RPLP0: variants seen among roughly 807,000 people sequenced by gnomAD.
RPLP0 encodes large ribosomal subunit protein uL10.
For synonymous variants in RPLP0, 137 were observed against 153.4 expected (o/e 0.89, Z 0.79); for missense variants, 276 against 402.9 (o/e 0.69, Z 2.70).
In RPLP0 at chr12:120,198,716, A is replaced by G; in HGVS notation, c.489T>C (p.Thr163=). The change falls in exon 6 of 8, where the codon ACT becomes ACC. Residue 163 remains threonine (T), a synonymous_variant. Coordinates refer to ENST00000392514, the MANE Select transcript of RPLP0 (RefSeq NM_001002.4). The surrounding 1 kb of genome is among the most constrained non-coding windows in gnomAD (Gnocchi z 4.1). ...EILSDVQLIK[T]GDKVGASEAT... is the part of the protein sequence containing the mutation. ...CTTCGCTGGCTCCCACTTTGTCTCC[A>G]GTCTTGATCAGCTGCACATCACTCT... The G allele has an allele frequency of 6.2e-7, 1 of 1,614,052 alleles. No homozygotes were observed. Among genetic ancestry groups the G allele is most frequent in the Non-Finnish European group, 8.5e-7 (1 of 1,179,902 alleles).
intron 6 of RPLP0, 42 bp from the exon 7 acceptor site, chr12:120,197,504 G>A: frequency 6.3e-7 from 1 of 1,577,110 alleles, no homozygotes. Flanking sequence ...ATTCCCTACA[G>A]GAAAGGAAGT....
rs750002971 is a variant in RPLP0, at chr12:120,198,568, A to C, written c.637T>G (p.Ser213Ala). 2 of 1,614,106 alleles carry C rather than the reference A, an allele frequency of 1.2e-6. No homozygotes were observed. The highest frequency in any genetic ancestry group is 8.5e-7 in the Non-Finnish European group (1 of 1,180,018). Residue 213 changes from serine to alanine, a missense_variant, in exon 6 of 8, where the codon TCT becomes GCT. Physicochemically the swap from Ser to Ala is moderately conservative, Grantham distance 99. Transcript: ENST00000392514. The surrounding 1 kb of genome is among the most constrained non-coding windows in gnomAD (Gnocchi z 4.1). ...ACAGCATATACCTCCAGGAAGCGAGAATGCAGAGTTTCCTCTGTGATATCA... is the reference window on the plus strand; with the variant it reads ...ACAGCATATACCTCCAGGAAGCGAGCATGCAGAGTTTCCTCTGTGATATCA... The part of the protein sequence containing the change: ...VLDITEETLH[S>A]RFLEGVRNVA...
intron 7 of RPLP0, 151 bp downstream of exon 7, chr12:120,197,171 C>A: frequency 2.0e-6 from 2 of 1,000,476 alleles, no homozygotes; most frequent in Non-Finnish European, 1.5e-6. Context: ...AAGTGAGAAA[C>A]GCCTTCCCTG....
chr12:120,199,691 C>T (rs544514275), intron 2 of RPLP0: 3 of 567,390 alleles, frequency 5.3e-6, no homozygotes, highest in Admixed American at 3.3e-5. Flanking sequence ...TAGGTTTCTA[C>T]ATTCAATCAA....
intron 2 of RPLP0, chr12:120,200,245 A>G (rs1474593422): frequency 2.6e-6 from 1 of 382,968 alleles, no homozygotes; most frequent in Non-Finnish European, 5.2e-6. Flanking sequence ...AAGGTGGATC[A>G]TGAAGTCAAG....
rs373895955 is a variant in RPLP0, at chr12:120,198,315, C to T, written c.651+239G>A. The T allele has an allele frequency of 1.5e-5, 7 of 473,830 alleles. No homozygotes were observed. Among genetic ancestry groups the T allele is most frequent in the African/African-American group, 1.4e-4 (7 of 48,884 alleles). 29.4% of individuals were successfully genotyped at this position (473,830 alleles called of 1,614,324 possible). On this transcript the variant is annotated intron_variant, in intron 6 of 7. Transcript: ENST00000392514. The surrounding 1 kb of genome is among the most constrained non-coding windows in gnomAD (Gnocchi z 4.1). ...CAGGAGAATGGTGTGAACCCGGAGG[C>T]GGAGCTTGCAGTGAGCCGGGAGATT...
intron 6 of RPLP0, 57 bp from the exon 7 acceptor site, chr12:120,197,519 G>A (rs1321347480): frequency 3.9e-6 from 6 of 1,546,870 alleles, no homozygotes; most frequent in East Asian, 2.3e-5. Flanking sequence ...GGAAGTCCAA[G>A]TAAGGGTGAA....
chr12:120,201,033 C>G, intron 1 of RPLP0, 50 bp downstream of exon 1: 1 of 488,616 alleles, frequency 2.0e-6, no homozygotes, highest in Non-Finnish European at 3.5e-6. Flanking sequence ...AAAGACCCCT[C>G]CATGCTTCCC....
At chr12:120,199,268 C>G (rs746678418) in intron 3 of RPLP0, 42 bp downstream of exon 3, 2 of 1,613,496 alleles carry the variant, frequency 1.2e-6, no homozygotes, top group South Asian at 1.1e-5. Context: ...AAGAGGGAGA[C>G]GGGCACTGGG....
chr12:120,198,508 G>A lies in RPLP0; in HGVS notation c.651+46C>T. ...AGGGACTCAGTCTGAACCTTGTCAT[G>A]CTCTCAACCATCAGTGTAAGAGGGG... On this transcript the variant is annotated intron_variant, in intron 6 of 7. Coordinates refer to ENST00000392514, the MANE Select transcript of RPLP0 (RefSeq NM_001002.4). This position sits in a 1 kb window ranked among gnomAD's most constrained non-coding sequence, Gnocchi z 4.1. 5.0e-6 allele frequency: 8 copies of A among 1,605,468 alleles called. No homozygotes were observed. Among genetic ancestry groups the A allele is most frequent in the South Asian group, 2.2e-5 (2 of 90,762 alleles).
intron 2 of RPLP0, 151 bp downstream of exon 2, chr12:120,200,579 C>T: frequency 5.1e-6 from 4 of 779,106 alleles, no homozygotes; most frequent in Non-Finnish European, 8.1e-6. Context: ...CAGAAGGGAC[C>T]TATCTCAGGA....
At chr12:120,199,863 T>G in intron 2 of RPLP0, 3 of 366,134 alleles carry the variant, frequency 8.2e-6, no homozygotes, top group South Asian at 6.2e-5. Context: ...TAAGCAAATA[T>G]AGCAACATTA....
Position 120,198,812 on chromosome 12 carries a change from C to T in RPLP0, c.465+42G>A, listed in dbSNP as rs139992927. 20 of 1,612,570 alleles carry T rather than the reference C, an allele frequency of 1.2e-5. No homozygotes were observed. The East Asian group carries it at 4.5e-4, about 36-fold the overall frequency. Reference sequence around the variant, plus strand: ...AGATCCATGGCCACTAAAAGCAGCTCCCCATTTGCCTGGTTAGCACAGGCA... The same window carrying T: ...AGATCCATGGCCACTAAAAGCAGCTTCCCATTTGCCTGGTTAGCACAGGCA... On this transcript the variant is annotated intron_variant, in intron 5 of 7. Coordinates refer to ENST00000392514, the MANE Select transcript of RPLP0 (RefSeq NM_001002.4). This position sits in a 1 kb window ranked among gnomAD's most constrained non-coding sequence, Gnocchi z 4.1.
At position 120,198,597 on chromosome 12, in the gene RPLP0, A is replaced by C; in HGVS notation, c.608T>G (p.Val203Gly). Residue 203 changes from valine (V) to glycine (G), a missense_variant, in exon 6 of 8, where the codon GTG (valine) becomes GGG (glycine). Transcript: ENST00000392514. The surrounding 1 kb of genome is among the most constrained non-coding windows in gnomAD (Gnocchi z 4.1). Reference protein sequence around the residue: ...FDNGSIYNPEVLDITEETLHS... With the variant: ...FDNGSIYNPEGLDITEETLHS... ...CAGAGTTTCCTCTGTGATATCAAGC[A>C]CTTCAGGGTTGTAGATGCTGCCATT... The C allele has an allele frequency of 2.5e-6, 4 of 1,614,088 alleles. No individual in the cohort carries two copies. The highest frequency in any genetic ancestry group is 3.4e-6 in the Non-Finnish European group (4 of 1,180,032).
At position 120,199,409 on chromosome 12, in the gene RPLP0, C is replaced by T. The variant is rs1879313080; in HGVS notation, c.131G>A (p.Arg44His). 1.2e-6 allele frequency: 2 copies of T among 1,614,140 alleles called. No individual in the cohort carries two copies. The highest frequency in any genetic ancestry group is 1.7e-6 in the Non-Finnish European group (2 of 1,180,036). The change falls in exon 3 of 8, where the codon CGC becomes CAC. Residue 44 changes from arginine to histidine, a missense_variant. Transcript: ENST00000392514. ...NVGSKQMQQI[R>H]MSLRGKAVVL... ...CACAGCCTTCCCGCGAAGGGACATG[C>T]GGATCTGCTGCATCTGCTTGGAGCC...
intron 4 of RPLP0, 49 bp from the exon 5 acceptor site, chr12:120,199,049 T>C: frequency 6.2e-7 from 1 of 1,613,150 alleles, no homozygotes. Context: ...TCACACAACC[T>C]GAGAATGGTC....
In RPLP0 at chr12:120,196,847, C is replaced by G; in HGVS notation, c.880G>C (p.Ala294Pro). 1 of 1,610,804 alleles carries G rather than the reference C, an allele frequency of 6.2e-7. No individual in the cohort carries two copies. Among genetic ancestry groups the G allele is most frequent in the Non-Finnish European group, 8.5e-7 (1 of 1,178,568 alleles). The change falls in exon 8 of 8, where the codon GCC becomes CCC. Residue 294 changes from alanine to proline, a missense_variant. Physicochemically the swap from Ala to Pro is conservative, Grantham distance 27. Coordinates refer to ENST00000392514, the MANE Select transcript of RPLP0 (RefSeq NM_001002.4). ...TCCTTGGCTTCAACCTTAGCTGGGGCTGCAGCAGCAGCAGGAGCAGCTGTG... is the reference window on the plus strand; with the variant it reads ...TCCTTGGCTTCAACCTTAGCTGGGGGTGCAGCAGCAGCAGGAGCAGCTGTG... ...ATTAAPAAAA[A>P]PAKVEAKEES...
Position 120,199,334 on chromosome 12 carries a change from A to C in RPLP0, c.206T>G (p.Leu69Arg). The change falls in exon 3 of 8, where the codon CTG (leucine) becomes CGG (arginine). Residue 69 changes from leucine (L) to arginine (R), a missense_variant. Physicochemically the swap from Leu to Arg is moderately radical, Grantham distance 102. Coordinates refer to ENST00000392514, the MANE Select transcript of RPLP0 (RefSeq NM_001002.4). ...TMMRKAIRGHLENNPALEKLL... is the reference protein window; with the variant it reads ...TMMRKAIRGHRENNPALEKLL... ...CTTCTCCAGAGCTGGGTTGTTTTCCAGGTGCCCTCGGATGGCCTTGCGCAT... is the reference window on the plus strand; with the variant it reads ...CTTCTCCAGAGCTGGGTTGTTTTCCCGGTGCCCTCGGATGGCCTTGCGCAT... 6.2e-7 allele frequency: 1 copy of C among 1,614,214 alleles called. No homozygotes were observed. Among genetic ancestry groups the C allele is most frequent in the Non-Finnish European group, 8.5e-7 (1 of 1,180,026 alleles).
At chr12:120,200,015 C>G (rs374094744) in intron 2 of RPLP0, 103 of 456,098 alleles carry the variant, frequency 2.3e-4, no homozygotes, top group South Asian at 1.5e-3. Flanking sequence ...AAGCGCAGTA[C>G]AGTCAGCATT....
Sources: gnomAD v4.1 joint callset for allele counts on GRCh38, gnomAD v4.1.1 for gene constraint, Gnocchi (gnomAD v3.1) non-coding constraint, MANE v1.5 for transcripts, NCBI Gene and HGNC (gene_info 2026-07-23, HGNC 2026-07-21) for gene names.